The following TRAP1 variants were observed in gnomAD, a reference collection of about 807,000 sequenced individuals.
TRAP1 encodes TNF receptor associated protein 1, also known as heat shock protein 75 kDa, mitochondrial.
In TRAP1, 102 loss-of-function variants were observed where a neutral mutation model predicts 89.1. That is an observed-to-expected ratio of 1.15 (90% confidence interval 0.98 to 1.35). The LOEUF is 1.35. Ranked by LOEUF, TRAP1 falls within the 40% of genes most tolerant of loss-of-function variation. The pLI, the probability that TRAP1 is intolerant of heterozygous loss-of-function variation, is 0.00. For missense variants in TRAP1, 1,256 were observed against 945.3 expected (o/e 1.33, Z -4.31); for synonymous variants, 508 against 388.0 (o/e 1.31, Z -3.64).
In TRAP1 at chr16:3,664,449, G is replaced by T. The variant is rs200472693; in HGVS notation, c.1394C>A (p.Ala465Glu). ...CGAGGACTCGTAGCGCAGCAGCTTT[G>T]CTATGTCCTCCTAGAAGGGACGGGG... ...ATEQEVKEDI[A>E]KLLRYESSAL... The change falls in exon 13 of 18, where the codon GCA becomes GAA. Residue 465 changes from alanine to glutamate, a missense_variant. Coordinates refer to ENST00000246957, the MANE Select transcript of TRAP1 (RefSeq NM_016292.3). The T allele has an allele frequency of 4.4e-5, 71 of 1,610,518 alleles. No individual in the cohort carries two copies. Among genetic ancestry groups the T allele is most frequent in the Non-Finnish European group, 1.7e-5 (20 of 1,178,740 alleles).
chr16:3,665,369 G>A (rs2050807877), intron 12 of TRAP1: 3 of 152,964 alleles, frequency 2.0e-5, no homozygotes, highest in Middle Eastern at 3.4e-3. Flanking sequence ...CACTGTGAAT[G>A]CACTAAATGC....
At chr16:3,673,406 T>C (rs2050942202) in intron 9 of TRAP1, among the ~76,000 whole-genome samples, 1 of 152,206 alleles carries the variant, frequency 6.6e-6, no homozygotes, top group South Asian at 2.1e-4. Flanking sequence ...TGTCTGGCCC[T>C]CGTGGAACGT....
intron 3 of TRAP1, among the ~76,000 whole-genome samples, chr16:3,687,978 G>A (rs1345673097): frequency 1.3e-5 from 2 of 152,108 alleles, no homozygotes; most frequent in Non-Finnish European, 2.9e-5. Flanking sequence ...AGGTCACTGG[G>A]AGTCAGGAAT....
intron 1 of TRAP1, among the ~76,000 whole-genome samples, chr16:3,709,820 T>A (rs2051503363): frequency 6.6e-6 from 1 of 152,166 alleles, no homozygotes; most frequent in East Asian, 1.9e-4. Context: ...CCGGCTAGTT[T>A]TGTATTTTTC....
At chr16:3,671,645 T>C in intron 11 of TRAP1, 77 bp downstream of exon 11, 2 of 1,510,556 alleles carry the variant, frequency 1.3e-6, no homozygotes, top group East Asian at 2.3e-5. Context: ...GGGCCACGGC[T>C]AGGGCCCTCT....
chr16:3,706,245 C>T (rs1472856421), intron 1 of TRAP1, among the ~76,000 whole-genome samples: 1 of 152,120 alleles, frequency 6.6e-6, no homozygotes, highest in East Asian at 1.9e-4. Flanking sequence ...TGAGCCACTG[C>T]ACCAGGCCCA....
intron 1 of TRAP1, among the ~76,000 whole-genome samples, chr16:3,692,497 C>T (rs372096781): frequency 1.5e-4 from 22 of 149,038 alleles, no homozygotes; most frequent in African/African-American, 5.0e-4. Flanking sequence ...GATCGTGCCG[C>T]TGCACTACAG....
chr16:3,686,258 TAAAG>T (rs1160555221), intron 3 of TRAP1, 122 bp from the exon 4 acceptor site: 20 of 1,192,740 alleles, frequency 1.7e-5, no homozygotes, highest in African/African-American at 4.6e-5. Context: ...TCTCAAAGCA[TAAAG>T]AGTTTCTGCT....
At chr16:3,705,247 TTTTAGTAGACACAGGG>T (rs1304316936) in intron 1 of TRAP1, among the ~76,000 whole-genome samples, 1 of 151,970 alleles carries the variant, frequency 6.6e-6, no homozygotes, top group Non-Finnish European at 1.5e-5. Flanking sequence ...TGTATTTTTT[TTTTAGTAGACACAGGG>T]TTTCACCATG....
At chr16:3,717,178 G>T (rs2051608739) in intron 1 of TRAP1, among the ~76,000 whole-genome samples, 1 of 152,210 alleles carries the variant, frequency 6.6e-6, no homozygotes, top group Admixed American at 6.5e-5. Context: ...GACCCCCCAA[G>T]ACCCAGCCTC....
chr16:3,705,290 C>T (rs1596751027), intron 1 of TRAP1, among the ~76,000 whole-genome samples: 2 of 151,972 alleles, frequency 1.3e-5, no homozygotes. Context: ...AGGATGGTCT[C>T]GATCTCCTGA....
chr16:3,664,610 C>T (rs3751842), intron 12 of TRAP1, 151 bp from the exon 13 acceptor site: 17,554 of 787,668 alleles, frequency 0.022, 556 homozygotes, highest in East Asian at 0.1. Flanking sequence ...GGGGGTTGTC[C>T]GAGAGCAGGC....
intron 1 of TRAP1, among the ~76,000 whole-genome samples, chr16:3,694,381 T>C (rs191278600): frequency 3.9e-5 from 6 of 152,116 alleles, no homozygotes; most frequent in Non-Finnish European, 5.9e-5. Context: ...TCTCGCTCTG[T>C]CATCCAGGCT....
At chr16:3,702,606 T>C (rs1232191610) in intron 1 of TRAP1, among the ~76,000 whole-genome samples, 1 of 151,368 alleles carries the variant, frequency 6.6e-6, no homozygotes, top group Non-Finnish European at 1.5e-5. Context: ...TAGGTGGACA[T>C]GGTGACACGC....
rs141953482 is a variant in TRAP1 at position 3,667,083 on chromosome 16, G to A, written c.1236-965C>T. Among the ~76,000 whole-genome samples, 599 of 152,230 alleles carry A rather than the reference G, an allele frequency of 3.9e-3. 1 individual carries two copies. Among genetic ancestry groups the A allele is most frequent in the Admixed American group, 6.5e-3 (99 of 15,298 alleles). ...AGGACATGCCTTCGTGCCTGGGAGC[G>A]GGGGGACAGTAGCCCAGGATGCGGT... On this transcript the variant is annotated intron_variant, in intron 11 of 17. Transcript: ENST00000246957.
At chr16:3,659,421 C>G (rs1392926877) in intron 16 of TRAP1, 1 of 152,146 alleles carries the variant, frequency 6.6e-6, no homozygotes, top group Non-Finnish European at 1.5e-5. Context: ...ATGACAAGCA[C>G]AATTCTAGGG....
intron 1 of TRAP1, among the ~76,000 whole-genome samples, chr16:3,710,085 G>A (rs978516943): frequency 6.6e-6 from 1 of 152,120 alleles, no homozygotes; most frequent in Admixed American, 6.6e-5. Flanking sequence ...TGGTCTAATC[G>A]TTCTCTACTA....
intron 3 of TRAP1, among the ~76,000 whole-genome samples, chr16:3,688,728 C>T (rs2051171675): frequency 1.3e-5 from 2 of 152,252 alleles, no homozygotes; most frequent in Non-Finnish European, 2.9e-5. Flanking sequence ...AAGTGATCCT[C>T]CTGCCTCGAC....
At chr16:3,700,590 C>T (rs892591100) in intron 1 of TRAP1, among the ~76,000 whole-genome samples, 4 of 152,084 alleles carry the variant, frequency 2.6e-5, no homozygotes, top group South Asian at 2.1e-4. Context: ...CTCAGCCGCC[C>T]GAGTAGCTGG....
Sources: gnomAD v4.1 joint callset for allele counts (sites outside exome capture counted in the v4.1 genomes callset) on GRCh38, gnomAD v4.1.1 for gene constraint, MANE v1.5 for transcripts, NCBI Gene and HGNC (gene_info 2026-07-23, HGNC 2026-07-21) for gene names.